The following SRSF11 variants were observed in gnomAD, a reference collection of about 807,000 sequenced individuals.
The protein encoded by SRSF11 is serine and arginine rich splicing factor 11, also known as serine/arginine-rich splicing factor 11.
A neutral mutation model predicts 56.0 loss-of-function variants in SRSF11; 9 were observed. The observed-to-expected ratio is 0.16, with a 90% CI of 0.10 to 0.28. SRSF11 has a LOEUF of 0.28. SRSF11 is among the 10% of genes least tolerant of loss of function. The pLI, the probability that SRSF11 is intolerant of heterozygous loss-of-function variation, is 1.00. For synonymous variants in SRSF11, 222 were observed against 215.3 expected (o/e 1.03, Z -0.27); for missense variants, 421 against 600.7 (o/e 0.70, Z 3.13).
In SRSF11 at chr1:70,234,584, T is replaced by C; in HGVS notation, c.448-112T>C. On this transcript the variant is annotated intron_variant, in intron 3 of 11. Coordinates refer to ENST00000370949, the MANE Select transcript of SRSF11 (RefSeq NM_001350605.2). ...CAACTGAGGAGTTGTACGGAGACCA[T>C]GTAGCCTGAAAACTCAAGTTGTTAT... is the stretch of plus-strand genomic sequence containing the variant. The C allele has an allele frequency of 7.8e-6, 6 of 764,996 alleles. No homozygotes were observed. The South Asian group carries it at 1.2e-4, about 15-fold the overall frequency. 47.4% of individuals were successfully genotyped at this position (764,996 alleles called of 1,614,324 possible).
intron 1 of SRSF11, among the ~76,000 whole-genome samples, chr1:70,208,272 T>A (rs1459458342): frequency 6.6e-6 from 1 of 152,072 alleles, no homozygotes; most frequent in African/African-American, 2.4e-5. Context: ...TAAACTCCAA[T>A]AGATATAAAC....
upstream of SRSF11, among the ~76,000 whole-genome samples, chr1:70,218,316 T>G (rs189252811): frequency 7.0e-4 from 106 of 152,316 alleles, no homozygotes; most frequent in African/African-American, 2.4e-3. Flanking sequence ...ATTCAGTAAT[T>G]TTTTGTTGTT....
chr1:70,252,019 A>C lies in SRSF11; in HGVS notation c.*1214A>C, dbSNP rs1353782709. ...TAAACTTATGTTCATGTTCCTGTAA[A>C]ACCGTATTTGTATTTATTTACGCTA... On this transcript the variant is annotated 3_prime_UTR_variant, in exon 12 of 12. Transcript: ENST00000370949. 1.3e-5 allele frequency: 2 copies of C among 152,556 alleles called. No homozygotes were observed. The highest frequency in any genetic ancestry group is 2.9e-5 in the Non-Finnish European group (2 of 68,002). The allele number at this position is 152,556 out of a possible 1,614,324, so 9.5% of individuals were successfully genotyped here.
At chr1:70,239,819 G>A (rs1214780416) in intron 7 of SRSF11, among the ~76,000 whole-genome samples, 1 of 152,144 alleles carries the variant, frequency 6.6e-6, no homozygotes, top group Non-Finnish European at 1.5e-5. Context: ...ATACTGACTT[G>A]TATTTGTTAT....
chr1:70,225,506 C>G (rs1671576889), intron 1 of SRSF11, among the ~76,000 whole-genome samples: 1 of 152,142 alleles, frequency 6.6e-6, no homozygotes, highest in African/African-American at 2.4e-5. Flanking sequence ...ACTTAGCACA[C>G]TATTAAGGTG....
chr1:70,249,748 CAG>C (rs1253351744), intron 9 of SRSF11: 19 of 496,846 alleles, frequency 3.8e-5, no homozygotes, highest in African/African-American at 2.2e-4. Flanking sequence ...TTTGTAGAGA[CAG>C]AGTTTCACCA....
At chr1:70,224,389 TA>T (rs1340418743) in intron 1 of SRSF11, among the ~76,000 whole-genome samples, 2 of 152,188 alleles carry the variant, frequency 1.3e-5, no homozygotes, top group African/African-American at 4.8e-5. Context: ...CCACCCTATG[TA>T]AAATAAAGCA....
chr1:70,221,311 G>C (rs999451358), upstream of SRSF11: 4 of 334,948 alleles, frequency 1.2e-5, no homozygotes, highest in African/African-American at 2.1e-5. Context: ...CGGCTGCTGG[G>C]CCTGCGCGGG....
In SRSF11 at chr1:70,210,583, C is replaced by T. The variant is rs866932422; in HGVS notation, c.-26+4803C>T. Among the ~76,000 whole-genome samples, 7 of 152,156 alleles carry T rather than the reference C, an allele frequency of 4.6e-5. No homozygotes were observed. The South Asian group carries it at 8.3e-4, about 18-fold the overall frequency. On this transcript the variant is annotated intron_variant, in intron 1 of 12. Transcript: ENST00000370950. ...CAAAAATTACCTGGGTGTGGTGTGGCATGCACCTGTGATCCCAGCTACTCA... is the reference window on the plus strand; with the variant it reads ...CAAAAATTACCTGGGTGTGGTGTGGTATGCACCTGTGATCCCAGCTACTCA...
intron 1 of SRSF11, among the ~76,000 whole-genome samples, chr1:70,209,145 G>A (rs1339952972): frequency 6.6e-6 from 1 of 152,204 alleles, no homozygotes; most frequent in African/African-American, 2.4e-5. Flanking sequence ...AAAGGGTACA[G>A]TTTTGTTTCA....
intron 3 of SRSF11, among the ~76,000 whole-genome samples, chr1:70,233,029 A>G (rs910046693): frequency 6.6e-6 from 1 of 152,212 alleles, no homozygotes; most frequent in African/African-American, 2.4e-5. Flanking sequence ...TTTCTAGTGT[A>G]TCATTTTGCC....
rs750697799 is a variant in SRSF11 at position 70,250,353 on chromosome 1, C to T, written c.1119-12C>T. 1.2e-5 allele frequency: 19 copies of T among 1,608,938 alleles called. No individual in the cohort carries two copies. Among genetic ancestry groups the T allele is most frequent in the Non-Finnish European group, 1.6e-5 (19 of 1,178,480 alleles). ...GTTAAACCTGTTGCTGTACATTTTA[C>T]TGTCATTCTAGACATAAAAAGGAGA... On this transcript the variant is annotated splice_polypyrimidine_tract_variant and intron_variant, in intron 10 of 11. Coordinates refer to ENST00000370949, the MANE Select transcript of SRSF11 (RefSeq NM_001350605.2).
chr1:70,218,843 GC>G (rs1571609695), upstream of SRSF11: 2 of 152,148 alleles, frequency 1.3e-5, no homozygotes, highest in East Asian at 3.9e-4. Flanking sequence ...TATACAATCA[GC>G]CTCCATAACC....
chr1:70,244,228 C>G (rs915148220), intron 7 of SRSF11, among the ~76,000 whole-genome samples: 1 of 152,030 alleles, frequency 6.6e-6, no homozygotes, highest in Non-Finnish European at 1.5e-5. Context: ...TATGGACTTA[C>G]GAGACCAATT....
chr1:70,234,412 ATGTGT>A (rs962562193), intron 3 of SRSF11, among the ~76,000 whole-genome samples: 9 of 152,150 alleles, frequency 5.9e-5, no homozygotes, highest in African/African-American at 1.9e-4. Context: ...TAGGGGGGAA[ATGTGT>A]TGTAATGGGT....
At chr1:70,242,805 A>T (rs1236955676) in intron 7 of SRSF11, among the ~76,000 whole-genome samples, 1 of 152,208 alleles carries the variant, frequency 6.6e-6, no homozygotes, top group East Asian at 1.9e-4. Flanking sequence ...CTGATATTTT[A>T]TATGCCTATA....
intron 7 of SRSF11, among the ~76,000 whole-genome samples, chr1:70,242,516 C>T (rs1226013409): frequency 2.0e-5 from 3 of 150,344 alleles, no homozygotes; most frequent in Non-Finnish European, 4.4e-5. Context: ...GTTGCCCAGG[C>T]TGGTCTCGAA....
intron 1 of SRSF11, among the ~76,000 whole-genome samples, chr1:70,213,530 A>C (rs1669751737): frequency 6.6e-6 from 1 of 152,208 alleles, no homozygotes; most frequent in Non-Finnish European, 1.5e-5. Flanking sequence ...GGTAGGAGAC[A>C]GTACAACATA....
At position 70,221,654 on chromosome 1, in the gene SRSF11, C is replaced by T. The variant is rs770490746; in HGVS notation, c.18C>T (p.Val6=). The change falls in exon 1 of 12, where the codon GTC becomes GTT. Residue 6 remains valine (V), a synonymous_variant. Transcript: ENST00000370949. MSNTT[V]VPSTAGPGPS... is the part of the protein sequence containing the mutation. ...GCAGCGCCATGAGCAACACTACCGT[C>T]GTCCCCAGCACTGCAGGTCCGGGCC... 3 of 1,611,496 alleles carry T rather than the reference C, an allele frequency of 1.9e-6. No individual in the cohort carries two copies. Among genetic ancestry groups the T allele is most frequent in the East Asian group, 2.2e-5 (1 of 44,818 alleles).
Sources: gnomAD v4.1 joint callset for allele counts (sites outside exome capture counted in the v4.1 genomes callset) on GRCh38, gnomAD v4.1.1 for gene constraint, MANE v1.5 for transcripts, NCBI Gene and HGNC (gene_info 2026-07-23, HGNC 2026-07-21) for gene names.